KLF12: variants seen among roughly 807,000 people sequenced by gnomAD.
KLF12 encodes Krueppel-like factor 12.
A neutral mutation model predicts 37.8 loss-of-function variants in KLF12; 9 were observed. The observed-to-expected ratio is 0.24, with a 90% confidence interval of 0.14 to 0.42. The LOEUF (loss-of-function observed/expected upper bound fraction) is 0.42. Among genes scored for constraint, KLF12 ranks in the 10% least tolerant of loss-of-function variants. The pLI is 1.00. For synonymous variants in KLF12, 208 were observed against 202.1 expected (o/e 1.03, Z -0.25); for missense variants, 411 against 516.0 (o/e 0.80, Z 1.97).
chr13:74,243,927 A>G, the KLF12 span, among the ~76,000 whole-genome samples: 1 of 152,232 alleles, frequency 6.6e-6, no homozygotes, highest in Non-Finnish European at 1.5e-5. Flanking sequence ...AATATGTGCA[A>G]AAGACAATTG....
the KLF12 span, among the ~76,000 whole-genome samples, chr13:74,237,423 G>A: frequency 6.5e-5 from 9 of 138,530 alleles, no homozygotes; most frequent in East Asian, 2.0e-4. Context: ...TTGGCGACGC[G>A]GGCTCTTTTT....
At chr13:73,883,762 G>A (rs1211293493) in intron 3 of KLF12, among the ~76,000 whole-genome samples, 1 of 152,164 alleles carries the variant, frequency 6.6e-6, no homozygotes, top group Admixed American at 6.5e-5. Flanking sequence ...TAGGGCATTT[G>A]CCTCTAGTAG....
intron 5 of KLF12, among the ~76,000 whole-genome samples, chr13:73,811,250 C>T (rs999665015): frequency 6.6e-6 from 1 of 151,858 alleles, no homozygotes; most frequent in African/African-American, 2.4e-5. Flanking sequence ...TCCCAAAGTG[C>T]TAGGATTACA....
chr13:74,163,153 T>C, the KLF12 span, among the ~76,000 whole-genome samples: 5 of 152,290 alleles, frequency 3.3e-5, no homozygotes, highest in South Asian at 2.1e-4. Flanking sequence ...TTAGTACAAC[T>C]ACTATGGAGA....
At chr13:74,298,901 G>A in the KLF12 span, among the ~76,000 whole-genome samples, 39 of 152,130 alleles carry the variant, frequency 2.6e-4, no homozygotes, top group African/African-American at 8.7e-4. Context: ...ACAGCGTTGT[G>A]AGAATTCAAT....
intron 1 of KLF12, among the ~76,000 whole-genome samples, chr13:74,079,468 T>C (rs1874755519): frequency 6.6e-6 from 1 of 152,206 alleles, no homozygotes; most frequent in African/African-American, 2.4e-5. Flanking sequence ...CGCAAAACTA[T>C]AAAACTCTCG....
At chr13:73,783,995 C>T (rs1256452597) in intron 5 of KLF12, among the ~76,000 whole-genome samples, 4 of 152,058 alleles carry the variant, frequency 2.6e-5, no homozygotes, top group Non-Finnish European at 4.4e-5. Context: ...ACTTAAGACT[C>T]CCAAGAGCAT....
At chr13:74,272,648 G>T in the KLF12 span, among the ~76,000 whole-genome samples, 1 of 152,146 alleles carries the variant, frequency 6.6e-6, no homozygotes, top group African/African-American at 2.4e-5. Flanking sequence ...TGATAACAAA[G>T]AGCTGAAAGA....
chr13:74,287,071 G>T, the KLF12 span, among the ~76,000 whole-genome samples: 1 of 152,126 alleles, frequency 6.6e-6, no homozygotes, highest in African/African-American at 2.4e-5. Flanking sequence ...GGTCCCAAAG[G>T]TCTGGTAAGC....
At chr13:74,068,483 G>GA (rs1874042740) in intron 1 of KLF12, among the ~76,000 whole-genome samples, 3 of 151,982 alleles carry the variant, frequency 2.0e-5, no homozygotes, top group Admixed American at 1.3e-4. Flanking sequence ...CATGCTGGAA[G>GA]AAAGTGTGGA....
the KLF12 span, among the ~76,000 whole-genome samples, chr13:74,234,698 A>G: frequency 6.6e-6 from 1 of 151,988 alleles, no homozygotes; most frequent in African/African-American, 2.4e-5. Context: ...CATTCAGTAG[A>G]TTCACTTACC....
At chr13:73,925,039 G>A (rs2139242233) in intron 3 of KLF12, among the ~76,000 whole-genome samples, 1 of 152,280 alleles carries the variant, frequency 6.6e-6, no homozygotes, top group East Asian at 1.9e-4. Context: ...CTTGGTTCAT[G>A]AGGTTTAAGG....
the KLF12 span, among the ~76,000 whole-genome samples, chr13:74,192,573 G>A: frequency 6.6e-6 from 1 of 152,164 alleles, no homozygotes; most frequent in African/African-American, 2.4e-5. Flanking sequence ...TAATGAAACG[G>A]GTTTTTGCAT....
At chr13:73,818,924 GA>G (rs1412919944) in intron 4 of KLF12, among the ~76,000 whole-genome samples, 1 of 152,212 alleles carries the variant, frequency 6.6e-6, no homozygotes, top group Non-Finnish European at 1.5e-5. Context: ...GTCCCAGTTA[GA>G]GAAACCCCGG....
chr13:73,906,499 G>T (rs551694875), intron 3 of KLF12, among the ~76,000 whole-genome samples: 2 of 151,976 alleles, frequency 1.3e-5, no homozygotes, highest in African/African-American at 4.8e-5. Flanking sequence ...ATTTTTAGAG[G>T]TTCCATGTGG....
intron 4 of KLF12, among the ~76,000 whole-genome samples, chr13:73,832,903 GATTT>G (rs1884239974): frequency 6.6e-6 from 1 of 152,100 alleles, no homozygotes; most frequent in Non-Finnish European, 1.5e-5. Context: ...AAAAATGGTC[GATTT>G]ATTTCATAAA....
the KLF12 span, among the ~76,000 whole-genome samples, chr13:74,157,437 G>A: frequency 5.9e-5 from 9 of 152,152 alleles, no homozygotes; most frequent in African/African-American, 1.7e-4. Flanking sequence ...AATCATTGCT[G>A]TATTTTAAAA....
At chr13:74,254,622 A>G in the KLF12 span, among the ~76,000 whole-genome samples, 1 of 152,334 alleles carries the variant, frequency 6.6e-6, no homozygotes, top group East Asian at 1.9e-4. Flanking sequence ...TGCTGAATCT[A>G]GAAATTCTCA....
chr13:73,883,062 A>G (rs1433753857), intron 3 of KLF12, among the ~76,000 whole-genome samples: 2 of 152,182 alleles, frequency 1.3e-5, no homozygotes, highest in Non-Finnish European at 2.9e-5. Flanking sequence ...AGGACTGCTA[A>G]ATTCAGAATT....
Sources: gnomAD v4.1 joint callset for allele counts (sites outside exome capture counted in the v4.1 genomes callset) on GRCh38, gnomAD v4.1.1 for gene constraint, MANE v1.5 for transcripts, NCBI Gene and HGNC (gene_info 2026-07-23, HGNC 2026-07-21) for gene names.